CALCR: variants seen among roughly 807,000 people sequenced by gnomAD.
CALCR encodes the protein calcitonin receptor.
In CALCR, 47 loss-of-function variants were observed where a neutral mutation model predicts 59.5. The observed-to-expected ratio is 0.79, with a 90% CI of 0.63 to 1.01. The LOEUF (loss-of-function observed/expected upper bound fraction) is 1.01, where lower values mean the gene tolerates loss of function less well. CALCR is among the 50% of genes least tolerant of loss of function. The probability of loss-of-function intolerance (pLI) is 0.00; values close to 1 mark genes in which losing one functional copy is unlikely to be tolerated. For missense variants in CALCR, 566 were observed against 597.1 expected, an observed-to-expected ratio of 0.95 and a Z score of 0.54; for synonymous variants, 213 against 211.3, an observed-to-expected ratio of 1.01 and a Z score of -0.07.
chr7:93,448,854 T>C (rs1584543930), intron 8 of CALCR, among the ~76,000 whole-genome samples: 1 of 151,882 alleles, frequency 6.6e-6, no homozygotes, highest in African/African-American at 2.4e-5. Context: ...GTAAAAGAGG[T>C]GGCTGACTGT....
intron 2 of CALCR, among the ~76,000 whole-genome samples, chr7:93,548,587 G>A (rs1789358351): frequency 6.6e-6 from 1 of 151,680 alleles, no homozygotes; most frequent in African/African-American, 2.4e-5. Flanking sequence ...ATTATGAATA[G>A]AAGTGAGGGT....
chr7:93,566,833 G>A (rs1380031554), intron 2 of CALCR, among the ~76,000 whole-genome samples: 1 of 152,080 alleles, frequency 6.6e-6, no homozygotes, highest in Admixed American at 6.6e-5. Flanking sequence ...GGGAAATCTA[G>A]GAGGTATTAA....
chr7:93,434,245 A>G lies in CALCR; in HGVS notation c.1191+8T>C, dbSNP rs778684943. 2 of 1,601,840 alleles carry G rather than the reference A, an allele frequency of 1.2e-6. No homozygotes were observed. The highest frequency in any genetic ancestry group is 1.7e-6 in the Non-Finnish European group (2 of 1,169,002). On this transcript the variant is annotated splice_region_variant and intron_variant, in intron 13 of 13. Transcript: ENST00000426151. Reference sequence around the variant, plus strand: ...CAAGTGATAGTATTATATGAAATGCATGCTTACCTCATTGTTGCAGAAGCA... The same window carrying G: ...CAAGTGATAGTATTATATGAAATGCGTGCTTACCTCATTGTTGCAGAAGCA...
At chr7:93,550,240 A>G (rs1789408996) in intron 2 of CALCR, among the ~76,000 whole-genome samples, 1 of 152,132 alleles carries the variant, frequency 6.6e-6, no homozygotes, top group South Asian at 2.1e-4. Context: ...CTGTAATCCC[A>G]GCAAGTTGGG....
chr7:93,453,170 C>T (rs994881948), intron 8 of CALCR, among the ~76,000 whole-genome samples: 2 of 151,968 alleles, frequency 1.3e-5, no homozygotes, highest in Non-Finnish European at 2.9e-5. Context: ...GGTGATAAAG[C>T]CCTAATGATA....
chr7:93,565,751 C>T (rs1000282138), intron 2 of CALCR, among the ~76,000 whole-genome samples: 3 of 152,166 alleles, frequency 2.0e-5, no homozygotes, highest in African/African-American at 7.2e-5. Flanking sequence ...AAGCAATTTG[C>T]ATTATTATGT....
chr7:93,506,226 G>C (rs1253509590), intron 2 of CALCR, among the ~76,000 whole-genome samples: 1 of 152,158 alleles, frequency 6.6e-6, no homozygotes, highest in Non-Finnish European at 1.5e-5. Flanking sequence ...GCTTCACTAG[G>C]TTTCTGGCTT....
intron 9 of CALCR, among the ~76,000 whole-genome samples, chr7:93,439,277 A>G (rs10252337): frequency 0.02 from 3,045 of 152,302 alleles, 122 homozygotes; most frequent in African/African-American, 0.07. Context: ...CAATAGGACC[A>G]CAGATTTAAT....
intron 2 of CALCR, among the ~76,000 whole-genome samples, chr7:93,550,474 G>C (rs1789418180): frequency 1.2e-5 from 1 of 84,378 alleles, no homozygotes; most frequent in Admixed American, 1.7e-4. Context: ...GGCAACAAGA[G>C]TAAAACTCCG....
At position 93,426,249 on chromosome 7, in the gene CALCR, A is replaced by G; in HGVS notation, c.*107T>C. 1.4e-6 allele frequency: 1 copy of G among 695,654 alleles called. No individual in the cohort carries two copies. The highest frequency in any genetic ancestry group is 2.6e-6 in the Non-Finnish European group (1 of 388,534). The allele number at this position is 695,654 out of a possible 1,614,324, so 43.1% of individuals were successfully genotyped here. A position where few individuals can be genotyped will look rare whatever the true frequency, so the allele number is the denominator to read the frequency against. ...GGACAAATTCACTGAATAATTCTTC[A>G]CAAATGATATGTTCGGTTCCTGGGA... On this transcript the variant is annotated 3_prime_UTR_variant, in exon 14 of 14. Coordinates refer to ENST00000426151, the MANE Select transcript of CALCR (RefSeq NM_001742.4).
At chr7:93,449,286 G>A (rs1304517564) in intron 8 of CALCR, among the ~76,000 whole-genome samples, 3 of 151,922 alleles carry the variant, frequency 2.0e-5, no homozygotes, top group Admixed American at 6.6e-5. Flanking sequence ...AACAGGTGAA[G>A]AAGAATCAAT....
At chr7:93,473,049 A>G (rs1800587344) in intron 5 of CALCR, among the ~76,000 whole-genome samples, 1 of 151,766 alleles carries the variant, frequency 6.6e-6, no homozygotes, top group East Asian at 1.9e-4. Flanking sequence ...TCAAGAGGCC[A>G]TTTTTCTGCC....
chr7:93,480,377 GA>G (rs1800768787), intron 3 of CALCR, among the ~76,000 whole-genome samples: 1 of 151,728 alleles, frequency 6.6e-6, no homozygotes, highest in Non-Finnish European at 1.5e-5. Context: ...TCTGCATAGA[GA>G]TTTTTTTTTC....
At chr7:93,559,643 A>C (rs2116261022) in intron 2 of CALCR, 2 of 151,224 alleles carry the variant, frequency 1.3e-5, no homozygotes, top group South Asian at 4.2e-4. Flanking sequence ...ATTTCTACTC[A>C]TTACTTTTAA....
intron 2 of CALCR, among the ~76,000 whole-genome samples, chr7:93,551,475 A>AT (rs1351645444): frequency 2.6e-5 from 4 of 152,246 alleles, no homozygotes; most frequent in Admixed American, 2.6e-4. Flanking sequence ...TCAAACAACC[A>AT]TAACAACAAC....
chr7:93,495,817 T>C, intron 2 of CALCR: 2 of 1,159,324 alleles, frequency 1.7e-6, no homozygotes, highest in South Asian at 2.7e-5. Context: ...ATTTAGAACA[T>C]GCAAATGAAG....
rs1199071283 is a variant in CALCR at position 93,426,547 on chromosome 7, G to A, written c.1234C>T (p.Gln412Ter). 6.2e-7 allele frequency: 1 copy of A among 1,612,914 alleles called. No individual in the cohort carries two copies. Among genetic ancestry groups the A allele is most frequent in the South Asian group, 1.1e-5 (1 of 91,012 alleles). Residue 412 changes from glutamine (Q) to a stop codon, truncating the protein, a stop_gained, in exon 14 of 14, where the codon CAG (glutamine) becomes TAG (stop). Coordinates refer to ENST00000426151, the MANE Select transcript of CALCR (RefSeq NM_001742.4). LOFTEE classifies it low-confidence loss of function (END_TRUNC). Reference protein sequence around the residue: ...VKRQWAQFKIQWNQRWGRRPS... With the variant: ...VKRQWAQFKI ...CGCCTCCCCCAACGCTGGTTCCACT[G>A]AATTTTGAATTGGGCCCATTGGCGC...
intron 2 of CALCR, among the ~76,000 whole-genome samples, chr7:93,547,888 A>T (rs1789334390): frequency 6.6e-6 from 1 of 152,034 alleles, no homozygotes; most frequent in Non-Finnish European, 1.5e-5. Flanking sequence ...CTAAAAAAGG[A>T]GCTTATGGGA....
At chr7:93,572,768 A>G (rs1790037244) in intron 2 of CALCR, among the ~76,000 whole-genome samples, 1 of 152,142 alleles carries the variant, frequency 6.6e-6, no homozygotes, top group Non-Finnish European at 1.5e-5. Context: ...TATATCAGCT[A>G]TTTCTTTTTA....
Sources: gnomAD v4.1 joint callset for allele counts (sites outside exome capture counted in the v4.1 genomes callset) on GRCh38, gnomAD v4.1.1 for gene constraint, MANE v1.5 for transcripts, NCBI Gene and HGNC (gene_info 2026-07-23, HGNC 2026-07-21) for gene names.